Variants in ARHGEF38 observed in about 807,000 individuals in gnomAD.
The protein encoded by ARHGEF38 is Rho guanine nucleotide exchange factor 38.
Under a neutral mutation model 79.9 loss-of-function variants are expected in ARHGEF38, and 79 were observed. The observed-to-expected ratio is 0.99, with a 90% CI of 0.82 to 1.19. The LOEUF (loss-of-function observed/expected upper bound fraction) is 1.19, where lower values mean the gene tolerates loss of function less well. ARHGEF38 is among the 50% of genes most tolerant of loss of function. The pLI, the probability that ARHGEF38 is intolerant of heterozygous loss-of-function variation, is 0.00. For synonymous variants in ARHGEF38, 366 were observed against 328.3 expected, an observed-to-expected ratio of 1.11 and a Z score of -1.24; for missense variants, 962 against 907.2, an observed-to-expected ratio of 1.06 and a Z score of -0.78.
Position 105,630,986 on chromosome 4 carries a change from G to A in ARHGEF38, c.597G>A (p.Glu199=), listed in dbSNP as rs749920485. 2.5e-6 allele frequency: 4 copies of A among 1,613,716 alleles called. No homozygotes were observed. The highest frequency in any genetic ancestry group is 2.2e-5 in the East Asian group (1 of 44,820). ...ATGATGAAGCACATAGTATACTGGA[G>A]TCCTATGAAAAGGAAGAAGAGCTGA... The part of the protein sequence containing the change: ...YHHDEAHSIL[E]SYEKEEELKE... Residue 199 remains glutamate (E), a synonymous_variant, in exon 4 of 14, where the codon GAG becomes GAA. Coordinates refer to ENST00000420470, the MANE Select transcript of ARHGEF38 (RefSeq NM_001242729.2).
At chr4:105,672,554 T>G (rs1233775499) in intron 13 of ARHGEF38, among the ~76,000 whole-genome samples, 1 of 152,254 alleles carries the variant, frequency 6.6e-6, no homozygotes, top group Non-Finnish European at 1.5e-5. Flanking sequence ...TTCTCTCCTT[T>G]TGTCCATCAA....
intron 2 of ARHGEF38, 74 bp downstream of exon 2, chr4:105,589,509 A>G: frequency 7.5e-7 from 1 of 1,334,168 alleles, no homozygotes; most frequent in East Asian, 2.4e-5. Context: ...AAATTGAAGC[A>G]CTCAGGTGTA....
At chr4:105,572,881 C>T (rs996729259) in intron 1 of ARHGEF38, among the ~76,000 whole-genome samples, 6 of 152,176 alleles carry the variant, frequency 3.9e-5, no homozygotes, top group Non-Finnish European at 7.3e-5. Flanking sequence ...AATTTCTCCA[C>T]ATCCTTGCCA....
chr4:105,578,771 T>A (rs1726634224), intron 1 of ARHGEF38, among the ~76,000 whole-genome samples: 1 of 152,224 alleles, frequency 6.6e-6, no homozygotes, highest in Non-Finnish European at 1.5e-5. Context: ...TTTCCACTTT[T>A]TTACCATGAA....
chr4:105,643,436 T>A (rs1560742012), intron 5 of ARHGEF38, among the ~76,000 whole-genome samples: 1 of 152,142 alleles, frequency 6.6e-6, no homozygotes, highest in Non-Finnish European at 1.5e-5. Context: ...GTTTTCTTTT[T>A]AAAAAAATGT....
intron 1 of ARHGEF38, among the ~76,000 whole-genome samples, chr4:105,581,992 C>T (rs568370327): frequency 6.5e-4 from 99 of 151,854 alleles, no homozygotes; most frequent in African/African-American, 2.2e-3. Context: ...AGTGAAACCC[C>T]GTCTCTACTA....
chr4:105,615,761 T>C (rs1307708982), intron 3 of ARHGEF38, among the ~76,000 whole-genome samples: 1 of 152,218 alleles, frequency 6.6e-6, no homozygotes, highest in Non-Finnish European at 1.5e-5. Flanking sequence ...TAACACATGG[T>C]AAACTCTGAA....
At chr4:105,645,055 T>A in intron 5 of ARHGEF38, 133 bp from the exon 6 acceptor site, 1 of 788,286 alleles carries the variant, frequency 1.3e-6, no homozygotes, top group Non-Finnish European at 1.8e-6. Context: ...CTCTTGCTTT[T>A]ATTTAGAAAT....
intron 4 of ARHGEF38, among the ~76,000 whole-genome samples, chr4:105,633,481 G>C (rs1414813141): frequency 6.6e-6 from 1 of 152,252 alleles, no homozygotes; most frequent in South Asian, 2.1e-4. Flanking sequence ...CTGTCACTCT[G>C]CCTTTTCCTT....
intron 1 of ARHGEF38, among the ~76,000 whole-genome samples, chr4:105,562,484 T>C (rs1467371446): frequency 6.6e-6 from 1 of 152,212 alleles, no homozygotes; most frequent in Non-Finnish European, 1.5e-5. Flanking sequence ...TAGTTAACTT[T>C]CAGTTAATTT....
intron 1 of ARHGEF38, among the ~76,000 whole-genome samples, chr4:105,587,931 T>G (rs1354002478): frequency 6.6e-6 from 1 of 152,194 alleles, no homozygotes; most frequent in Non-Finnish European, 1.5e-5. Context: ...ATCAACCTAG[T>G]ATAGCTTCCA....
chr4:105,679,901 G>A lies in ARHGEF38; in HGVS notation c.*1964G>A. On this transcript the variant is annotated 3_prime_UTR_variant, in exon 14 of 14. Coordinates refer to ENST00000420470, the MANE Select transcript of ARHGEF38 (RefSeq NM_001242729.2). ...GTCCAAACCACGAGGAGCCACATTG[G>A]TTGCCACCAAAACTTTATAATTACC... The A allele has an allele frequency of 7.0e-7, 1 of 1,432,138 alleles. No homozygotes were observed. The highest frequency in any genetic ancestry group is 1.4e-5 in the African/African-American group (1 of 71,210). The allele number at this position is 1,432,138 out of a possible 1,614,324, so 88.7% of individuals were successfully genotyped here. A position where few individuals can be genotyped will look rare whatever the true frequency, so the allele number is the denominator to read the frequency against.
intron 10 of ARHGEF38, among the ~76,000 whole-genome samples, chr4:105,663,970 CAA>C (rs58428081): frequency 0.13 from 14,480 of 107,654 alleles, 1,635 homozygotes; most frequent in African/African-American, 0.32. Context: ...AACTCCGTCT[CAA>C]AAAAAAAAAA....
intron 13 of ARHGEF38, among the ~76,000 whole-genome samples, chr4:105,673,236 G>C (rs1336017830): frequency 6.6e-6 from 1 of 152,000 alleles, no homozygotes; most frequent in Non-Finnish European, 1.5e-5. Context: ...GGGATTCTTG[G>C]GGTCCATCCT....
Position 105,630,981 on chromosome 4 carries a change from C to T in ARHGEF38, c.592C>T (p.Leu198=). The part of the protein sequence containing the change: ...CYHHDEAHSI[L]ESYEKEEELK... ...TCACCATGATGAAGCACATAGTATACTGGAGTCCTATGAAAAGGAAGAAGA... is the reference window on the plus strand; with the variant it reads ...TCACCATGATGAAGCACATAGTATATTGGAGTCCTATGAAAAGGAAGAAGA... Residue 198 remains leucine (L), a synonymous_variant, in exon 4 of 14, where the codon CTG becomes TTG. Transcript: ENST00000420470. 1.2e-6 allele frequency: 2 copies of T among 1,613,864 alleles called. No individual in the cohort carries two copies. The highest frequency in any genetic ancestry group is 1.7e-6 in the Non-Finnish European group (2 of 1,179,866).
rs1284766042 is a variant in ARHGEF38 at position 105,678,591 on chromosome 4, C to T, written c.*654C>T. Reference sequence around the variant, plus strand: ...TACTGAATGCACACTATATGCCAGACATTGTTCTAAGTGCTTTATATGTAG... The same window carrying T: ...TACTGAATGCACACTATATGCCAGATATTGTTCTAAGTGCTTTATATGTAG... On this transcript the variant is annotated 3_prime_UTR_variant, in exon 14 of 14. Transcript: ENST00000420470. 4 of 152,118 alleles carry T rather than the reference C, an allele frequency of 2.6e-5. No individual in the cohort carries two copies. The highest frequency in any genetic ancestry group is 9.7e-5 in the African/African-American group (4 of 41,444). The allele number at this position is 152,118 out of a possible 1,614,324, so 9.4% of individuals were successfully genotyped here.
chr4:105,576,139 TG>T, intron 1 of ARHGEF38, among the ~76,000 whole-genome samples: 1 of 152,282 alleles, frequency 6.6e-6, no homozygotes, highest in South Asian at 2.1e-4. Flanking sequence ...GGGGCTTTTT[TG>T]GTTCCATATG....
chr4:105,676,262 T>C (rs1731112897), intron 13 of ARHGEF38, among the ~76,000 whole-genome samples: 1 of 152,250 alleles, frequency 6.6e-6, no homozygotes, highest in Admixed American at 6.5e-5. Flanking sequence ...TTTTCATGTA[T>C]TCATCTCCGT....
chr4:105,633,700 C>A (rs750179775), intron 4 of ARHGEF38, among the ~76,000 whole-genome samples: 12 of 151,924 alleles, frequency 7.9e-5, no homozygotes, highest in Non-Finnish European at 1.5e-4. Flanking sequence ...TTATTGAGGG[C>A]CTAATAAATA....
Sources: allele counts gnomAD v4.1 joint callset (sites outside exome capture counted in the v4.1 genomes callset), GRCh38; gene constraint gnomAD v4.1.1; transcripts MANE v1.5; gene names NCBI Gene and HGNC (gene_info 2026-07-23, HGNC 2026-07-21).